Variants in CYFIP1 observed in about 807,000 individuals in gnomAD.
CYFIP1 encodes the protein cytoplasmic FMR1-interacting protein 1.
CYFIP1 carries 58 observed loss-of-function variants against 163.5 expected under a neutral mutation model. The ratio of observed to expected loss-of-function variants is 0.35; its 90% CI spans 0.29 to 0.44. The LOEUF (loss-of-function observed/expected upper bound fraction) is 0.44. Ranked by LOEUF, CYFIP1 falls within the 20% of genes least tolerant of loss-of-function variation. The pLI, the probability that CYFIP1 is intolerant of heterozygous loss-of-function variation, is 1.00. For missense variants in CYFIP1, 1,338 were observed against 1,653.8 expected (o/e 0.81, Z 3.31); for synonymous variants, 663 against 660.7 (o/e 1.00, Z -0.05).
rs1437923664 is a variant in CYFIP1 at position 22,882,877 on chromosome 15, G to C, written c.2811C>G (p.Val937=). The C allele has an allele frequency of 6.2e-7, 1 of 1,613,184 alleles. No individual in the cohort carries two copies. The highest frequency in any genetic ancestry group is 2.2e-5 in the East Asian group (1 of 44,856). ...TCCAGGGAACACTCACCAGGCTCTT[G>C]ACGACCTTCAGCAGCTCCTCCATGA... ...AVVMEELLKV[V]KSLLQGTILQ... The change falls in exon 24 of 31, where the codon GTC becomes GTG. Residue 937 remains valine, a synonymous_variant. Coordinates refer to ENST00000617928, the MANE Select transcript of CYFIP1 (RefSeq NM_014608.6).
Position 22,944,540 on chromosome 15 carries a change from G to A in CYFIP1, c.387+18C>T, listed in dbSNP as rs1478210067. 3.2e-6 allele frequency: 5 copies of A among 1,567,364 alleles called. No homozygotes were observed. In the Admixed American group the frequency reaches 6.7e-5, roughly 21 times the overall value. On this transcript the variant is annotated intron_variant, in intron 5 of 30. Coordinates refer to ENST00000617928, the MANE Select transcript of CYFIP1 (RefSeq NM_014608.6). Reference sequence around the variant, plus strand: ...ACCCCTCGGTGTTACACCCCCCCCAGATTATTTGCCATTTTACCTGGAAGT... The same window carrying A: ...ACCCCTCGGTGTTACACCCCCCCCAAATTATTTGCCATTTTACCTGGAAGT...
At chr15:22,979,835 T>A (rs2063410700) in intron 1 of CYFIP1, among the ~76,000 whole-genome samples, 1 of 152,124 alleles carries the variant, frequency 6.6e-6, no homozygotes, top group Non-Finnish European at 1.5e-5. Context: ...CGGGTTCAGA[T>A]CTTGCTGCGC....
chr15:22,897,487 T>G (rs76044305), intron 22 of CYFIP1, among the ~76,000 whole-genome samples: 11,601 of 151,476 alleles, frequency 0.077, 528 homozygotes, highest in East Asian at 0.14. Flanking sequence ...TGTTTTTTTT[T>G]TTTGTTTGTG....
rs2061037296 is a variant in CYFIP1, at chr15:22,917,753, G to A, written c.1674+35C>T. On this transcript the variant is annotated intron_variant, in intron 15 of 30. Coordinates refer to ENST00000617928, the MANE Select transcript of CYFIP1 (RefSeq NM_014608.6). The surrounding 1 kb of genome is among the most constrained non-coding windows in gnomAD (Gnocchi z 4.2). ...CACAGCTCAGGGTGGGTCCCCCCAG[G>A]GAGAGGGTGCAGGCGGGGCTCAAGG... is the stretch of plus-strand genomic sequence containing the variant. 1.3e-6 allele frequency: 2 copies of A among 1,518,422 alleles called. No individual in the cohort carries two copies. Among genetic ancestry groups the A allele is most frequent in the African/African-American group, 1.5e-5 (1 of 65,264 alleles). The allele number at this position is 1,518,422 out of a possible 1,614,324, so 94.1% of individuals were successfully genotyped here.
intron 23 of CYFIP1, 89 bp downstream of exon 23, chr15:22,892,801 G>T: frequency 1.1e-6 from 1 of 906,810 alleles, no homozygotes; most frequent in Non-Finnish European, 1.8e-6. Flanking sequence ...GATACATTTA[G>T]GTCACTGCAA....
rs137983464 is a variant in CYFIP1, at chr15:22,944,606, C to T, written c.339G>A (p.Glu113=). 64 of 1,613,970 alleles carry T rather than the reference C, an allele frequency of 4.0e-5. No homozygotes were observed. The African/African-American group carries it at 7.6e-4, about 19-fold the overall frequency. ...NRVEIYEKTV[E]VLEPEVTKLM... is the part of the protein sequence containing the mutation. ...GTTTTGTGACCTCAGGCTCCAGAAC[C>T]TCCACGGTTTTCTCGTAGATTTCCA... Residue 113 remains glutamate, a synonymous_variant, in exon 5 of 31, where the codon GAG becomes GAA. Transcript: ENST00000617928.
rs963903721 is a variant in CYFIP1 at position 22,869,200 on chromosome 15, C to T, written c.*828G>A. 2.0e-5 allele frequency: 3 copies of T among 152,278 alleles called. No individual in the cohort carries two copies. The highest frequency in any genetic ancestry group is 2.9e-5 in the Non-Finnish European group (2 of 68,132). 9.4% of individuals were successfully genotyped at this position (152,278 alleles called of 1,614,324 possible). On this transcript the variant is annotated 3_prime_UTR_variant, in exon 31 of 31. Coordinates refer to ENST00000617928, the MANE Select transcript of CYFIP1 (RefSeq NM_014608.6). ...GCTGGCTTCCTCCAGGTCATGGGCA[C>T]AGGTAACAGAGAGGCACTGAGTAGC...
intron 26 of CYFIP1, 25 bp downstream of exon 26, chr15:22,879,888 G>C: frequency 8.2e-6 from 13 of 1,593,946 alleles, no homozygotes; most frequent in Non-Finnish European, 1.1e-5. Flanking sequence ...GGGGCGGGGA[G>C]GGGCGGCGTT....
chr15:22,951,721 A>T (rs1387624827), intron 1 of CYFIP1, among the ~76,000 whole-genome samples: 1 of 152,168 alleles, frequency 6.6e-6, no homozygotes, highest in Non-Finnish European at 1.5e-5. Flanking sequence ...GACCCCGCGC[A>T]GCACCCACAG....
rs1370515235 is a variant in CYFIP1, at chr15:22,926,000, C to G, written c.1341G>C (p.Glu447Asp). Reference sequence around the variant, plus strand: ...TCCTCACCTCCACTAGGGCAAACTTCTCCTCGCTGGTGTAGTTGTAGCGCG... The same window carrying G: ...TCCTCACCTCCACTAGGGCAAACTTGTCCTCGCTGGTGTAGTTGTAGCGCG... ...RATRYNYTSE[E>D]KFALVEVIAM... The change falls in exon 13 of 31, where the codon GAG becomes GAC. Residue 447 changes from glutamate to aspartate, a missense_variant. By Grantham distance (45) the Glu-to-Asp change is conservative. This residue lies in a region of CYFIP1 where 824 missense variants were observed against 995.7 expected (regional missense o/e 0.83). Coordinates refer to ENST00000617928, the MANE Select transcript of CYFIP1 (RefSeq NM_014608.6). 1 of 1,614,002 alleles carries G rather than the reference C, an allele frequency of 6.2e-7. No individual in the cohort carries two copies.
chr15:22,966,178 G>C (rs562802197), intron 1 of CYFIP1, among the ~76,000 whole-genome samples: 31 of 150,110 alleles, frequency 2.1e-4, no homozygotes, highest in African/African-American at 7.3e-4. Context: ...GAGAAACCCC[G>C]TCTCTACTAA....
intron 26 of CYFIP1, among the ~76,000 whole-genome samples, chr15:22,876,755 C>T (rs2059596490): frequency 6.6e-6 from 1 of 151,816 alleles, no homozygotes; most frequent in East Asian, 1.9e-4. Flanking sequence ...CACTTGAACC[C>T]AGGAGGTAGA....
chr15:22,888,140 TAA>T (rs2059976540), intron 23 of CYFIP1, among the ~76,000 whole-genome samples: 1 of 152,218 alleles, frequency 6.6e-6, no homozygotes, highest in Non-Finnish European at 1.5e-5. Context: ...GTCCCTCATC[TAA>T]GTTTATTTTA....
At chr15:22,879,004 T>C (rs143380712) in intron 26 of CYFIP1, among the ~76,000 whole-genome samples, 1,538 of 151,830 alleles carry the variant, frequency 0.01, 7 homozygotes, top group African/African-American at 0.018. Flanking sequence ...GGCGTGGTGG[T>C]GGGCGCCTGT....
chr15:22,926,204 T>G, intron 12 of CYFIP1, 97 bp from the exon 13 acceptor site: 1 of 1,554,058 alleles, frequency 6.4e-7, no homozygotes, highest in Non-Finnish European at 8.8e-7. Context: ...CAGGCCAGCC[T>G]TCAAACCTTT....
intron 20 of CYFIP1, 115 bp from the exon 21 acceptor site, chr15:22,909,428 C>T (rs2060706673): frequency 1.3e-5 from 17 of 1,317,350 alleles, no homozygotes; most frequent in Non-Finnish European, 1.7e-5. Flanking sequence ...ACACCCTTTA[C>T]AACCACGTTC....
chr15:22,877,673 C>T (rs1166225152), intron 26 of CYFIP1, among the ~76,000 whole-genome samples: 1 of 152,194 alleles, frequency 6.6e-6, no homozygotes, highest in Non-Finnish European at 1.5e-5. Context: ...CCATCTTGTA[C>T]CCCTCACACT....
In CYFIP1 at chr15:22,930,167, G is replaced by C. The variant is rs529514311; in HGVS notation, c.1110+2056C>G. On this transcript the variant is annotated intron_variant, in intron 11 of 30. Coordinates refer to ENST00000617928, the MANE Select transcript of CYFIP1 (RefSeq NM_014608.6). ...AGGTCAGGAGATTGAGACCATCCTG[G>C]CTAGAACAGTGTCTCTACTAAAAAA... is the stretch of plus-strand genomic sequence containing the variant. Among the ~76,000 whole-genome samples, 48 of 151,482 alleles carry C rather than the reference G, an allele frequency of 3.2e-4. 2 individuals carry two copies. The South Asian group carries it at 0.01, about 32-fold the overall frequency.
At chr15:22,883,544 G>A (rs554483570) in intron 23 of CYFIP1, among the ~76,000 whole-genome samples, 78 of 152,242 alleles carry the variant, frequency 5.1e-4, no homozygotes, top group African/African-American at 1.8e-3. Context: ...TAGGCCAGGC[G>A]CGGCGACTCA....
Sources: allele counts gnomAD v4.1 joint callset (sites outside exome capture counted in the v4.1 genomes callset), GRCh38; gene constraint gnomAD v4.1.1; regional missense constraint gnomAD v4.1.1; non-coding constraint Gnocchi (gnomAD v3.1); transcripts MANE v1.5; gene names NCBI Gene and HGNC (gene_info 2026-07-23, HGNC 2026-07-21).